RIT2: variants seen among roughly 807,000 people sequenced by gnomAD.
The protein encoded by RIT2 is Ras like without CAAX 2.
Under a neutral mutation model 23.7 loss-of-function variants are expected in RIT2, and 24 were observed. The observed-to-expected ratio is 1.01, with a 90% CI of 0.73 to 1.43. The LOEUF is 1.43. Ranked by LOEUF, RIT2 falls within the 40% of genes most tolerant of loss-of-function variation. RIT2 has a pLI of 0.00. For missense variants in RIT2, 236 were observed against 266.9 expected (o/e 0.88, Z 0.81); for synonymous variants, 107 against 91.1 (o/e 1.17, Z -0.99).
intron 1 of RIT2, among the ~76,000 whole-genome samples, chr18:43,091,195 A>G (rs1213213148): frequency 6.6e-6 from 1 of 151,876 alleles, no homozygotes; most frequent in Non-Finnish European, 1.5e-5. Flanking sequence ...TATTTAATGT[A>G]TATACATCAA....
At chr18:42,877,356 T>C (rs1393845531) in intron 4 of RIT2, among the ~76,000 whole-genome samples, 3 of 151,688 alleles carry the variant, frequency 2.0e-5, no homozygotes, top group Admixed American at 2.0e-4. Context: ...GTTATTTTTG[T>C]GGTTATCTCT....
At chr18:42,789,207 T>G (rs1913986552) in intron 4 of RIT2, among the ~76,000 whole-genome samples, 1 of 152,176 alleles carries the variant, frequency 6.6e-6, no homozygotes, top group African/African-American at 2.4e-5. Context: ...TCAGTACAAA[T>G]GTCAACAGAG....
chr18:42,753,092 T>TG (rs1364351094), intron 4 of RIT2, among the ~76,000 whole-genome samples: 1 of 152,010 alleles, frequency 6.6e-6, no homozygotes, highest in Non-Finnish European at 1.5e-5. Context: ...CACAGCTGCA[T>TG]GGGGGGTTGA....
chr18:43,101,716 C>A (rs1419238759), intron 1 of RIT2, among the ~76,000 whole-genome samples: 3 of 152,124 alleles, frequency 2.0e-5, no homozygotes, highest in African/African-American at 7.2e-5. Context: ...CACTTGTATT[C>A]CTGTCATAGC....
At chr18:42,928,272 A>C (rs1477979786) in intron 3 of RIT2, among the ~76,000 whole-genome samples, 1 of 152,106 alleles carries the variant, frequency 6.6e-6, no homozygotes, top group Non-Finnish European at 1.5e-5. Flanking sequence ...AGATAAAATG[A>C]ATGAATAATA....
At position 43,086,589 on chromosome 18, in the gene RIT2, T is replaced by G. The variant is rs780563485; in HGVS notation, c.103+28828A>C. On this transcript the variant is annotated intron_variant, in intron 1 of 4. Transcript: ENST00000326695. ...CCCCACTGCGGGATTCACATTTTAA[T>G]ATGAAGGCTGGGGATGAAGACCACA... Among the ~76,000 whole-genome samples the G allele has an allele frequency of 5.4e-4, 82 of 152,238 alleles. No individual in the cohort carries two copies. The Middle Eastern group carries it at 0.037, about 69-fold the overall frequency.
chr18:42,904,072 A>G (rs1424080954), intron 4 of RIT2, among the ~76,000 whole-genome samples: 1 of 152,150 alleles, frequency 6.6e-6, no homozygotes, highest in Non-Finnish European at 1.5e-5. Flanking sequence ...AATAAAATGT[A>G]TAGTGTTCCT....
At chr18:43,040,074 G>GA (rs1025729833) in intron 1 of RIT2, among the ~76,000 whole-genome samples, 6 of 152,142 alleles carry the variant, frequency 3.9e-5, no homozygotes, top group Admixed American at 2.0e-4. Context: ...CTTAGAACAA[G>GA]AAAAATCATG....
chr18:42,914,397 T>C (rs1908848675), intron 4 of RIT2, among the ~76,000 whole-genome samples: 1 of 152,062 alleles, frequency 6.6e-6, no homozygotes, highest in African/African-American at 2.4e-5. Context: ...TACCCAAATG[T>C]CCCTGAAAGG....
chr18:43,091,485 T>C (rs960142904), intron 1 of RIT2, among the ~76,000 whole-genome samples: 1 of 152,088 alleles, frequency 6.6e-6, no homozygotes, highest in African/African-American at 2.4e-5. Context: ...AATGTGGTCT[T>C]TACTATGGCC....
chr18:42,926,364 C>T (rs1305220716), intron 3 of RIT2, among the ~76,000 whole-genome samples: 1 of 151,682 alleles, frequency 6.6e-6, no homozygotes, highest in African/African-American at 2.4e-5. Context: ...TATATGTTGT[C>T]TTCTACATAT....
intron 3 of RIT2, among the ~76,000 whole-genome samples, chr18:42,935,471 A>C (rs1351277771): frequency 6.6e-6 from 1 of 152,114 alleles, no homozygotes; most frequent in East Asian, 1.9e-4. Flanking sequence ...GGGTTGGTTA[A>C]CAGCTACGAA....
At chr18:42,818,085 C>T (rs1906047960) in intron 4 of RIT2, among the ~76,000 whole-genome samples, 1 of 151,834 alleles carries the variant, frequency 6.6e-6, no homozygotes, top group Admixed American at 6.6e-5. Flanking sequence ...AAAGAGTAAT[C>T]ATGTCTACTA....
intron 4 of RIT2, among the ~76,000 whole-genome samples, chr18:42,792,701 A>G (rs1225849500): frequency 1.3e-5 from 2 of 152,200 alleles, no homozygotes; most frequent in Non-Finnish European, 2.9e-5. Flanking sequence ...AGTGAAGTCA[A>G]GCAAGACCCC....
chr18:43,084,861 A>G (rs1913244424), intron 1 of RIT2, among the ~76,000 whole-genome samples: 2 of 152,230 alleles, frequency 1.3e-5, no homozygotes, highest in South Asian at 4.1e-4. Context: ...ACAAACCTGC[A>G]CGTTCTGTAC....
At chr18:42,785,243 T>C (rs1913896882) in intron 4 of RIT2, among the ~76,000 whole-genome samples, 1 of 152,106 alleles carries the variant, frequency 6.6e-6, no homozygotes, top group Non-Finnish European at 1.5e-5. Context: ...TTACTTTAAG[T>C]CTCAAGTTTC....
intron 4 of RIT2, among the ~76,000 whole-genome samples, chr18:42,870,729 C>G (rs911977112): frequency 6.6e-6 from 1 of 151,916 alleles, no homozygotes; most frequent in African/African-American, 2.4e-5. Context: ...TGAAAGGTTT[C>G]CTATAAAGTT....
intron 2 of RIT2, among the ~76,000 whole-genome samples, chr18:43,006,154 G>C (rs1053257024): frequency 6.6e-6 from 1 of 151,672 alleles, no homozygotes; most frequent in African/African-American, 2.4e-5. Context: ...AATAAGCCTT[G>C]AACAGAAAAT....
At chr18:42,866,862 A>G (rs1263053067) in intron 4 of RIT2, among the ~76,000 whole-genome samples, 1 of 152,142 alleles carries the variant, frequency 6.6e-6, no homozygotes, top group Non-Finnish European at 1.5e-5. Context: ...TCCTCATTAT[A>G]GAGTCATAGT....
Sources: allele counts gnomAD v4.1 joint callset (sites outside exome capture counted in the v4.1 genomes callset), GRCh38; gene constraint gnomAD v4.1.1; transcripts MANE v1.5; gene names NCBI Gene and HGNC (gene_info 2026-07-23, HGNC 2026-07-21).